The following IFT140 variants were observed in gnomAD, a reference collection of about 807,000 sequenced individuals.
The protein encoded by IFT140 is intraflagellar transport protein 140 homolog.
A neutral mutation model predicts 164.6 loss-of-function variants in IFT140; 133 were observed. That is an observed-to-expected ratio of 0.81 (90% CI 0.70 to 0.93). IFT140 has a LOEUF of 0.93. Among genes scored for constraint, IFT140 ranks in the 40% least tolerant of loss-of-function variants. The pLI, the probability that IFT140 is intolerant of heterozygous loss-of-function variation, is 0.00. For missense variants in IFT140, 2,045 were observed against 1,972.3 expected (o/e 1.04, Z -0.70); for synonymous variants, 860 against 817.3 (o/e 1.05, Z -0.89).
At chr16:1,560,894 G>C (rs1325205078) in intron 18 of IFT140, among the ~76,000 whole-genome samples, 1 of 152,244 alleles carries the variant, frequency 6.6e-6, no homozygotes, top group Non-Finnish European at 1.5e-5. Context: ...AGAAGACTCT[G>C]TGCGTGTTGT....
chr16:1,586,342 G>C, intron 9 of IFT140, 67 bp from the exon 10 acceptor site: 1 of 1,486,162 alleles, frequency 6.7e-7, no homozygotes. Context: ...AACAAGCTCT[G>C]TTCTCTAACC....
chr16:1,511,225 G>A (rs1446927978), intron 30 of IFT140, 75 bp from the exon 31 acceptor site: 102 of 1,407,962 alleles, frequency 7.2e-5, no homozygotes, highest in Non-Finnish European at 9.5e-5. Flanking sequence ...GGCCAGGCAC[G>A]TGCTGCTGCC....
intron 1 of IFT140, among the ~76,000 whole-genome samples, chr16:1,611,601 G>A (rs926255629): frequency 1.3e-5 from 2 of 152,012 alleles, no homozygotes; most frequent in African/African-American, 4.8e-5. Flanking sequence ...GATCACTTGA[G>A]GTCAGGAGTT....
chr16:1,521,908 A>G (rs1458579778), intron 26 of IFT140, among the ~76,000 whole-genome samples: 2 of 144,688 alleles, frequency 1.4e-5, no homozygotes, highest in Non-Finnish European at 3.0e-5. Context: ...GTAATAACAC[A>G]TTTATATTTA....
At chr16:1,534,697 G>A in intron 19 of IFT140, 3 of 1,243,516 alleles carry the variant, frequency 2.4e-6, no homozygotes, top group Non-Finnish European at 3.4e-6. Context: ...CAGGCAGGAG[G>A]GGGCACTGTG....
intron 3 of IFT140, among the ~76,000 whole-genome samples, chr16:1,605,664 A>G (rs916435469): frequency 1.3e-5 from 2 of 152,084 alleles, no homozygotes; most frequent in Non-Finnish European, 2.9e-5. Flanking sequence ...CCGGCCTCCC[A>G]AAGTGTTGGG....
At chr16:1,601,981 G>GGT (rs1208670491) in intron 4 of IFT140, among the ~76,000 whole-genome samples, 1 of 152,240 alleles carries the variant, frequency 6.6e-6, no homozygotes, top group Admixed American at 6.5e-5. Flanking sequence ...CCCACCCACA[G>GGT]GGGTCCAGCT....
intron 19 of IFT140, among the ~76,000 whole-genome samples, chr16:1,556,911 G>A (rs1006961565): frequency 7.9e-5 from 12 of 152,220 alleles, no homozygotes; most frequent in African/African-American, 2.7e-4. Context: ...CCGGGTTCAA[G>A]CAATTCTCCC....
Position 1,586,117 on chromosome 16 carries a change from T to C in IFT140, c.1155+13A>G, listed in dbSNP as rs2034863406. On this transcript the variant is annotated intron_variant, in intron 10 of 30. Transcript: ENST00000426508. The stretch of plus-strand genomic sequence containing the variant: ...CAGAAAATGAGTGCACCGAACACCC[T>C]TGGAGGCTGTACCTGGATTTGCGTG... 1 of 1,610,618 alleles carries C rather than the reference T, an allele frequency of 6.2e-7. No individual in the cohort carries two copies. The highest frequency in any genetic ancestry group is 8.5e-7 in the Non-Finnish European group (1 of 1,179,996).
At chr16:1,568,365 G>T in intron 14 of IFT140, 31 bp from the exon 15 acceptor site, 1 of 1,541,562 alleles carries the variant, frequency 6.5e-7, no homozygotes, top group East Asian at 2.3e-5. Context: ...CTCAGTGCCC[G>T]CCAGAGGCCC....
chr16:1,540,286 G>T (rs1475790198), intron 19 of IFT140, among the ~76,000 whole-genome samples: 1 of 152,246 alleles, frequency 6.6e-6, no homozygotes, highest in Non-Finnish European at 1.5e-5. Flanking sequence ...TAAATGTTGA[G>T]GTTGAACCGT....
chr16:1,571,877 G>A (rs1277908929), intron 13 of IFT140, among the ~76,000 whole-genome samples: 1 of 152,154 alleles, frequency 6.6e-6, no homozygotes, highest in African/African-American at 2.4e-5. Context: ...GGTAAAGAAT[G>A]GGATCTCAGG....
intron 8 of IFT140, 27 bp downstream of exon 8, chr16:1,587,906 A>T: frequency 6.4e-7 from 1 of 1,570,516 alleles, no homozygotes. Flanking sequence ...ACTCTCATCA[A>T]GGGGCACTGG....
At chr16:1,528,327 GCA>G (rs201738494) in intron 19 of IFT140, among the ~76,000 whole-genome samples, 1 of 118,624 alleles carries the variant, frequency 8.4e-6, no homozygotes, top group Admixed American at 8.3e-5. Context: ...ACGCATGCAC[GCA>G]CGTGTGCACA....
intron 4 of IFT140, among the ~76,000 whole-genome samples, chr16:1,596,749 C>A (rs957909158): frequency 6.6e-6 from 1 of 152,076 alleles, no homozygotes; most frequent in African/African-American, 2.4e-5. Context: ...GAACTGAGCC[C>A]GAGGCGCCTC....
At chr16:1,584,051 TTTTC>T (rs1363140115) in intron 11 of IFT140, among the ~76,000 whole-genome samples, 162 bp downstream of exon 11, 1 of 152,196 alleles carries the variant, frequency 6.6e-6, no homozygotes, top group African/African-American at 2.4e-5. Context: ...CTTATTACGA[TTTTC>T]TTTATGAATA....
chr16:1,595,385 A>G (rs1315073337), intron 4 of IFT140, among the ~76,000 whole-genome samples: 2 of 152,174 alleles, frequency 1.3e-5, no homozygotes, highest in Non-Finnish European at 2.9e-5. Context: ...TGGGAGGCCG[A>G]GGCAAGCAGA....
In IFT140 at chr16:1,592,179, C is replaced by CTG; in HGVS notation, c.630_631insCA (p.Asp211GlnfsTer59). ...AATCACAACCAAAGTTCCTCACCGTCCATCAGACTGACAAAGAACAACAGC... is the reference window on the plus strand; with the variant it reads ...AATCACAACCAAAGTTCCTCACCGTCTGCATCAGACTGACAAAGAACAACAGC... On this transcript the variant is annotated frameshift_variant, in exon 6 of 31. Coordinates refer to ENST00000426508, the MANE Select transcript of IFT140 (RefSeq NM_014714.4). LOFTEE classifies it high-confidence loss of function. 6.2e-7 allele frequency: 1 copy of CTG among 1,614,186 alleles called. No individual in the cohort carries two copies. The highest frequency in any genetic ancestry group is 8.5e-7 in the Non-Finnish European group (1 of 1,180,040).
intron 12 of IFT140, among the ~76,000 whole-genome samples, chr16:1,581,335 C>T (rs1286460473): frequency 6.6e-6 from 1 of 152,090 alleles, no homozygotes; most frequent in Admixed American, 6.5e-5. Context: ...CCTGGTGGCT[C>T]ACACCTGTAA....
Sources: allele counts gnomAD v4.1 joint callset (sites outside exome capture counted in the v4.1 genomes callset), GRCh38; gene constraint gnomAD v4.1.1; transcripts MANE v1.5; gene names NCBI Gene and HGNC (gene_info 2026-07-23, HGNC 2026-07-21).